Variants in FARP1 observed in about 807,000 individuals in gnomAD.
The protein encoded by FARP1 is FERM, ARHGEF and pleckstrin domain-containing protein 1.
A neutral mutation model predicts 128.8 loss-of-function variants in FARP1; 52 were observed. The ratio of observed to expected loss-of-function variants is 0.40; its 90% CI spans 0.32 to 0.51. The LOEUF (loss-of-function observed/expected upper bound fraction) is 0.51. Ranked by LOEUF, FARP1 falls within the 20% of genes least tolerant of loss-of-function variation. The pLI is 0.45. For missense variants in FARP1, 1,333 were observed against 1,367.9 expected, an observed-to-expected ratio of 0.97 and a Z score of 0.40; for synonymous variants, 580 against 551.8, an observed-to-expected ratio of 1.05 and a Z score of -0.72.
chr13:98,379,795 T>C (rs1201397738), intron 6 of FARP1, among the ~76,000 whole-genome samples: 3 of 152,176 alleles, frequency 2.0e-5, no homozygotes, highest in Non-Finnish European at 2.9e-5. Flanking sequence ...AGAAAAAATA[T>C]CTTAGATGTT....
At chr13:98,196,535 T>C (rs1411676978) in intron 1 of FARP1, among the ~76,000 whole-genome samples, 1 of 152,144 alleles carries the variant, frequency 6.6e-6, no homozygotes, top group Middle Eastern at 3.2e-3. Flanking sequence ...AAAATAATAA[T>C]ACTTACTGTG....
intron 2 of FARP1, among the ~76,000 whole-genome samples, chr13:98,257,334 T>C (rs966111866): frequency 1.9e-4 from 29 of 152,156 alleles, no homozygotes; most frequent in Non-Finnish European, 3.5e-4. Flanking sequence ...TGATAGGATT[T>C]GCTAATCTTT....
chr13:98,345,511 G>A (rs9517263), intron 3 of FARP1: 31,301 of 152,160 alleles, frequency 0.21, 3,451 homozygotes, highest in Non-Finnish European at 0.24. Flanking sequence ...CTTCTTTCAA[G>A]TTGTTACCAG....
At chr13:98,337,128 AG>A (rs1887777755) in intron 2 of FARP1, among the ~76,000 whole-genome samples, 1 of 152,170 alleles carries the variant, frequency 6.6e-6, no homozygotes. Context: ...GCACTTTGGG[AG>A]GCCGAGGCAG....
intron 2 of FARP1, among the ~76,000 whole-genome samples, chr13:98,244,146 T>G (rs1882931364): frequency 6.6e-6 from 1 of 152,212 alleles, no homozygotes; most frequent in Admixed American, 6.5e-5. Context: ...TTTTGCATAA[T>G]TTTAAAGTTG....
chr13:98,299,024 A>G (rs1885815417), intron 2 of FARP1, among the ~76,000 whole-genome samples: 1 of 152,234 alleles, frequency 6.6e-6, no homozygotes. Context: ...GGGATGGAAC[A>G]GGAAAGCGGA....
intron 2 of FARP1, chr13:98,334,074 G>T (rs1434898260): frequency 6.6e-6 from 1 of 151,000 alleles, no homozygotes; most frequent in Non-Finnish European, 1.5e-5. Flanking sequence ...ACCCAGTGAA[G>T]TGGTTCAATC....
At chr13:98,378,420 G>A (rs1460649168) in intron 6 of FARP1, among the ~76,000 whole-genome samples, 2 of 152,326 alleles carry the variant, frequency 1.3e-5, no homozygotes, top group Middle Eastern at 3.4e-3. Context: ...GACAAAGGAT[G>A]AATCAGATTA....
intron 1 of FARP1, among the ~76,000 whole-genome samples, chr13:98,177,432 A>G (rs952859567): frequency 6.6e-6 from 1 of 152,172 alleles, no homozygotes; most frequent in Non-Finnish European, 1.5e-5. Flanking sequence ...GAATCACCCG[A>G]GGTCAGCAGT....
chr13:98,299,746 A>G (rs1364968544), intron 2 of FARP1, among the ~76,000 whole-genome samples: 1 of 152,242 alleles, frequency 6.6e-6, no homozygotes, highest in East Asian at 1.9e-4. Flanking sequence ...AAACAGTAAC[A>G]AAAAGCTGTT....
intron 11 of FARP1, among the ~76,000 whole-genome samples, chr13:98,392,323 C>CAAAAAAAAA (rs11289484): frequency 3.3e-5 from 2 of 60,412 alleles, no homozygotes; most frequent in Admixed American, 2.0e-4. Context: ...CATCTCTACC[C>CAAAAAAAAA]AAAAAAAAAA....
At chr13:98,369,081 A>C (rs1889220677) in intron 5 of FARP1, among the ~76,000 whole-genome samples, 1 of 152,028 alleles carries the variant, frequency 6.6e-6, no homozygotes, top group South Asian at 2.1e-4. Context: ...GCCCACCACC[A>C]CACCCAGCTA....
At chr13:98,175,381 C>T (rs1877930113) in intron 1 of FARP1, among the ~76,000 whole-genome samples, 1 of 152,116 alleles carries the variant, frequency 6.6e-6, no homozygotes, top group African/African-American at 2.4e-5. Flanking sequence ...GGATATTCTT[C>T]TGTCAACTCC....
chr13:98,428,438 G>A (rs1891871629), intron 17 of FARP1, among the ~76,000 whole-genome samples: 1 of 152,004 alleles, frequency 6.6e-6, no homozygotes. Flanking sequence ...TTTTCTTCCT[G>A]CTAGGCGACC....
intron 3 of FARP1, among the ~76,000 whole-genome samples, chr13:98,344,494 G>T (rs1002594458): frequency 3.3e-5 from 5 of 152,206 alleles, no homozygotes; most frequent in African/African-American, 9.6e-5. Flanking sequence ...GCTTGAGGAG[G>T]CAGGGGCATC....
At position 98,176,710 on chromosome 13, in the gene FARP1, G is replaced by A; in HGVS notation, c.-24+33218G>A. Reference sequence around the variant, plus strand: ...GCGCAGATGCCCTGGCGCACGTATGGGGCCCTTCCTCGCCATCCCCGAGGA... The same window carrying A: ...GCGCAGATGCCCTGGCGCACGTATGAGGCCCTTCCTCGCCATCCCCGAGGA... On this transcript the variant is annotated intron_variant, in intron 1 of 26. Transcript: ENST00000319562. The surrounding 1 kb of genome is among the most constrained non-coding windows in gnomAD (Gnocchi z 6.2). 1 of 1,614,128 alleles carries A rather than the reference G, an allele frequency of 6.2e-7. No individual in the cohort carries two copies. The highest frequency in any genetic ancestry group is 8.5e-7 in the Non-Finnish European group (1 of 1,180,026).
In FARP1 at chr13:98,449,978, A is replaced by G. The variant is rs929171305; in HGVS notation, c.*1661A>G. ...CAGCATCAGGCTCCCTCCAGAAGTC[A>G]CCACTCACTCATTCCTGGAGACTTG... On this transcript the variant is annotated 3_prime_UTR_variant, in exon 27 of 27. Transcript: ENST00000319562. 3.3e-5 allele frequency: 5 copies of G among 152,158 alleles called. No homozygotes were observed. Among genetic ancestry groups the G allele is most frequent in the Admixed American group, 1.3e-4 (2 of 15,282 alleles). 9.4% of individuals were successfully genotyped at this position (152,158 alleles called of 1,614,324 possible).
At chr13:98,338,806 C>G (rs1005721024) in intron 2 of FARP1, 3 of 152,136 alleles carry the variant, frequency 2.0e-5, no homozygotes, top group African/African-American at 7.2e-5. Flanking sequence ...GAGTGAAGTT[C>G]AAAAACTCAC....
Position 98,343,725 on chromosome 13 carries a change from C to G in FARP1, c.172-37C>G, listed in dbSNP as rs755768773. 1.8e-5 allele frequency: 25 copies of G among 1,423,526 alleles called. No homozygotes were observed. In the South Asian group the frequency reaches 2.4e-4, roughly 14 times the overall value. The allele number at this position is 1,423,526 out of a possible 1,614,324, so 88.2% of individuals were successfully genotyped here. ...AGCTGTGGTTTGTTTTCATCCGTGC[C>G]TGCCTCAGGGATAACCCCTGTTGTT... is the stretch of plus-strand genomic sequence containing the variant. On this transcript the variant is annotated intron_variant, in intron 2 of 26. Transcript: ENST00000319562.
Sources: gnomAD v4.1 joint callset for allele counts (sites outside exome capture counted in the v4.1 genomes callset) on GRCh38, gnomAD v4.1.1 for gene constraint, Gnocchi (gnomAD v3.1) non-coding constraint, MANE v1.5 for transcripts, NCBI Gene and HGNC (gene_info 2026-07-23, HGNC 2026-07-21) for gene names.